The following WWTR1 variants were observed in gnomAD, a reference collection of about 807,000 sequenced individuals.
The protein encoded by WWTR1 is WW domain containing transcription regulator 1.
In WWTR1, 13 loss-of-function variants were observed where a neutral mutation model predicts 40.1. The observed-to-expected ratio is 0.32, with a 90% confidence interval of 0.21 to 0.52. The LOEUF is 0.52. WWTR1 is among the 20% of genes least tolerant of loss of function. The pLI is 0.97. For missense variants in WWTR1, 436 were observed against 523.1 expected, an observed-to-expected ratio of 0.83 and a Z score of 1.63; for synonymous variants, 230 against 210.1, an observed-to-expected ratio of 1.09 and a Z score of -0.82.
chr3:149,714,090 A>T (rs574286693), intron 5 of WWTR1, among the ~76,000 whole-genome samples: 2 of 152,282 alleles, frequency 1.3e-5, no homozygotes, highest in East Asian at 3.9e-4. Flanking sequence ...GTGCGGTCGG[A>T]CGTGAAGGGG....
intron 3 of WWTR1, among the ~76,000 whole-genome samples, chr3:149,552,344 C>T (rs947727670): frequency 1.8e-5 from 2 of 109,078 alleles, no homozygotes; most frequent in African/African-American, 3.8e-5. Flanking sequence ...AATACATTCT[C>T]CCCAAAGTAA....
intron 4 of WWTR1, 42 bp downstream of exon 4, chr3:149,542,293 C>T (rs1369548): frequency 0.013 from 20,326 of 1,590,074 alleles, 764 homozygotes; most frequent in East Asian, 0.11. Context: ...GCTTTGGCAC[C>T]AAGGCCAGGG....
intron 2 of WWTR1, among the ~76,000 whole-genome samples, chr3:149,586,650 A>G (rs60287622): frequency 0.11 from 16,450 of 152,092 alleles, 1,116 homozygotes; most frequent in African/African-American, 0.17. Flanking sequence ...TGTTTTAATG[A>G]GGTGACTGTT....
chr3:149,559,311 AAAG>A (rs1736987632), intron 3 of WWTR1, among the ~76,000 whole-genome samples: 1 of 148,086 alleles, frequency 6.8e-6, no homozygotes, highest in Non-Finnish European at 1.5e-5. Flanking sequence ...AAAAAAAAAA[AAAG>A]AAAAGAAAAG....
At chr3:149,590,103 T>A (rs139953171) in intron 2 of WWTR1, among the ~76,000 whole-genome samples, 59 of 152,238 alleles carry the variant, frequency 3.9e-4, no homozygotes, top group African/African-American at 1.3e-3. Context: ...GTCCACCATA[T>A]CTAGCATACA....
At chr3:149,722,447 G>T (rs1008147010) in intron 4 of WWTR1, among the ~76,000 whole-genome samples, 2 of 151,540 alleles carry the variant, frequency 1.3e-5, no homozygotes, top group Non-Finnish European at 2.9e-5. Context: ...CCATAAGTTT[G>T]GGTATCATGT....
At chr3:149,573,734 C>T (rs1737754108) in intron 2 of WWTR1, among the ~76,000 whole-genome samples, 1 of 152,188 alleles carries the variant, frequency 6.6e-6, no homozygotes, top group Non-Finnish European at 1.5e-5. Context: ...TCACATACAA[C>T]TTCCAGTTTG....
At chr3:149,527,141 C>CTCTTT (rs1174041015) in intron 5 of WWTR1, among the ~76,000 whole-genome samples, 1 of 134,874 alleles carries the variant, frequency 7.4e-6, no homozygotes, top group Non-Finnish European at 1.6e-5. Flanking sequence ...TGAACATCAT[C>CTCTTT]TCTTTTCTTT....
At chr3:149,620,742 A>G (rs1474429963) in intron 2 of WWTR1, among the ~76,000 whole-genome samples, 2 of 152,192 alleles carry the variant, frequency 1.3e-5, no homozygotes, top group Non-Finnish European at 1.5e-5. Flanking sequence ...CTCACATCCC[A>G]TCTGTCTGGA....
At chr3:149,639,075 C>T (rs904548515) in intron 2 of WWTR1, among the ~76,000 whole-genome samples, 1 of 152,190 alleles carries the variant, frequency 6.6e-6, no homozygotes, top group African/African-American at 2.4e-5. Context: ...TGGTTACATT[C>T]TCTCTGCTTT....
intron 3 of WWTR1, among the ~76,000 whole-genome samples, chr3:149,553,352 T>C (rs994254155): frequency 6.6e-6 from 1 of 152,200 alleles, no homozygotes; most frequent in African/African-American, 2.4e-5. Flanking sequence ...TGAGGCCAAG[T>C]AGTGTTTCCT....
At chr3:149,603,554 C>CGCCG (rs1739348460) in intron 2 of WWTR1, among the ~76,000 whole-genome samples, 1 of 146,502 alleles carries the variant, frequency 6.8e-6, no homozygotes, top group African/African-American at 2.6e-5. Context: ...TTCCCCACCC[C>CGCCG]CCCCTTGTAC....
chr3:149,540,113 C>CACACACAT (rs1430877967), intron 4 of WWTR1: 1 of 439,978 alleles, frequency 2.3e-6, no homozygotes, highest in African/African-American at 2.0e-5. Flanking sequence ...CACACACACA[C>CACACACAT]ACACACACAC....
intron 2 of WWTR1, among the ~76,000 whole-genome samples, chr3:149,640,006 A>AG (rs1296579944): frequency 6.7e-6 from 1 of 148,890 alleles, no homozygotes; most frequent in Non-Finnish European, 1.5e-5. Context: ...AAAAAAAAAA[A>AG]AAAAAAAGAA....
upstream of WWTR1, among the ~76,000 whole-genome samples, chr3:149,658,885 C>A (rs145651123): frequency 2.0e-5 from 3 of 152,264 alleles, no homozygotes; most frequent in African/African-American, 7.2e-5. Context: ...ATGTCCCTGC[C>A]GCCCTCCGGG....
chr3:149,610,210 C>G (rs1399233350), intron 2 of WWTR1, among the ~76,000 whole-genome samples: 2 of 152,190 alleles, frequency 1.3e-5, no homozygotes, highest in Non-Finnish European at 2.9e-5. Context: ...CTTAAATTTT[C>G]AACTTTCCAG....
intron 1 of WWTR1, among the ~76,000 whole-genome samples, chr3:149,684,032 A>G (rs1210186141): frequency 6.6e-6 from 1 of 152,228 alleles, no homozygotes; most frequent in Non-Finnish European, 1.5e-5. Flanking sequence ...AACACTTTAA[A>G]CATCCATCAC....
intron 2 of WWTR1, among the ~76,000 whole-genome samples, chr3:149,587,384 A>C (rs1738478016): frequency 6.6e-6 from 1 of 152,160 alleles, no homozygotes; most frequent in South Asian, 2.1e-4. Context: ...ACATTTCAGC[A>C]GTAATGATGA....
At position 149,624,859 on chromosome 3, in the gene WWTR1, C is replaced by T. The variant is rs1251744385; in HGVS notation, c.431+32017G>A. Among the ~76,000 whole-genome samples the T allele has an allele frequency of 3.3e-5, 5 of 151,410 alleles. No homozygotes were observed. In the East Asian group the frequency reaches 9.8e-4, roughly 30 times the overall value. On this transcript the variant is annotated intron_variant, in intron 2 of 6. Coordinates refer to ENST00000360632, the MANE Select transcript of WWTR1 (RefSeq NM_015472.6). ...GCATTACAGGCATGTGCCACCATGC[C>T]CAGCTAATTCATTTTATTTATTTTA... is the stretch of plus-strand genomic sequence containing the variant.
Sources: allele counts gnomAD v4.1 joint callset (sites outside exome capture counted in the v4.1 genomes callset), GRCh38; gene constraint gnomAD v4.1.1; transcripts MANE v1.5; gene names NCBI Gene and HGNC (gene_info 2026-07-23, HGNC 2026-07-21).